The following CAB39L variants were observed in gnomAD, a reference collection of about 807,000 sequenced individuals.
The protein encoded by CAB39L is calcium binding protein 39 like.
A neutral mutation model predicts 39.1 loss-of-function variants in CAB39L; 23 were observed. The ratio of observed to expected loss-of-function variants is 0.59; its 90% CI spans 0.42 to 0.83. CAB39L has a LOEUF of 0.83. Among genes scored for constraint, CAB39L ranks in the 40% least tolerant of loss-of-function variants. The pLI is 0.00. For missense variants in CAB39L, 366 were observed against 391.9 expected, an observed-to-expected ratio of 0.93 and a Z score of 0.56; for synonymous variants, 126 against 137.2, an observed-to-expected ratio of 0.92 and a Z score of 0.57.
chr13:49,343,053 T>C (rs1024362582), intron 8 of CAB39L, among the ~76,000 whole-genome samples: 2 of 152,208 alleles, frequency 1.3e-5, no homozygotes, highest in African/African-American at 2.4e-5. Flanking sequence ...TGGCATTATA[T>C]TTCTACTGGA....
At chr13:49,424,903 A>C (rs1436768135) in intron 3 of CAB39L, among the ~76,000 whole-genome samples, 1 of 152,194 alleles carries the variant, frequency 6.6e-6, no homozygotes, top group East Asian at 1.9e-4. Context: ...GGAATATCAA[A>C]TTATATATTT....
chr13:49,442,603 C>A (rs527603644), intron 1 of CAB39L, among the ~76,000 whole-genome samples: 2 of 151,964 alleles, frequency 1.3e-5, no homozygotes, highest in East Asian at 3.9e-4. Context: ...ACCAGCCTGG[C>A]CAACATGGTG....
At chr13:49,414,453 T>A (rs994634138) in intron 3 of CAB39L, among the ~76,000 whole-genome samples, 11 of 152,164 alleles carry the variant, frequency 7.2e-5, no homozygotes, top group African/African-American at 2.7e-4. Flanking sequence ...TGGTAAATGA[T>A]GTTATTGCAA....
chr13:49,380,250 T>C (rs1956224389), intron 4 of CAB39L, among the ~76,000 whole-genome samples: 1 of 152,242 alleles, frequency 6.6e-6, no homozygotes. Flanking sequence ...TAGCTACTGA[T>C]CTTTATTTAA....
intron 5 of CAB39L, among the ~76,000 whole-genome samples, chr13:49,367,753 C>CA (rs1014942705): frequency 6.6e-6 from 1 of 151,720 alleles, no homozygotes; most frequent in African/African-American, 2.4e-5. Flanking sequence ...CCCATCTCTA[C>CA]AAAAAAATAC....
chr13:49,348,777 G>C (rs985539606), intron 7 of CAB39L, among the ~76,000 whole-genome samples: 4 of 152,182 alleles, frequency 2.6e-5, no homozygotes, highest in African/African-American at 9.7e-5. Context: ...TGGCCTGGTT[G>C]CCTTTATAGA....
At chr13:49,367,631 T>C (rs1053536031) in intron 5 of CAB39L, among the ~76,000 whole-genome samples, 5 of 152,170 alleles carry the variant, frequency 3.3e-5, no homozygotes, top group African/African-American at 1.2e-4. Flanking sequence ...AAAAAATGTT[T>C]ATAGGCCGGG....
At chr13:49,348,214 T>C (rs1192890912) in intron 7 of CAB39L, among the ~76,000 whole-genome samples, 4 of 152,182 alleles carry the variant, frequency 2.6e-5, no homozygotes, top group Admixed American at 6.5e-5. Context: ...TTTCCTCTGA[T>C]GTCTCGGGCA....
chr13:49,442,362 TA>T (rs1349703200), intron 1 of CAB39L, among the ~76,000 whole-genome samples: 1 of 152,234 alleles, frequency 6.6e-6, no homozygotes, highest in Admixed American at 6.5e-5. Flanking sequence ...GCTTTGATTC[TA>T]TCTCTATTTC....
chr13:49,311,493 C>A (rs1953986574), intron 10 of CAB39L, among the ~76,000 whole-genome samples: 1 of 152,134 alleles, frequency 6.6e-6, no homozygotes, highest in African/African-American at 2.4e-5. Context: ...TGTAAAACAG[C>A]CTCAGGCAGG....
intron 5 of CAB39L, among the ~76,000 whole-genome samples, chr13:49,361,031 A>G (rs780714678): frequency 1.3e-4 from 20 of 152,154 alleles, no homozygotes; most frequent in Non-Finnish European, 1.0e-4. Flanking sequence ...TCTGGCCTTC[A>G]TCTCTCAACT....
At chr13:49,338,372 A>G (rs1954906079) in intron 9 of CAB39L, among the ~76,000 whole-genome samples, 1 of 151,736 alleles carries the variant, frequency 6.6e-6, no homozygotes, top group Non-Finnish European at 1.5e-5. Flanking sequence ...GAAATTGGAA[A>G]TCATCATTCT....
intron 3 of CAB39L, among the ~76,000 whole-genome samples, chr13:49,428,840 A>ACAGT (rs1555266835): frequency 1.3e-5 from 2 of 151,726 alleles, no homozygotes; most frequent in African/African-American, 4.8e-5. Flanking sequence ...TTTTGCATAG[A>ACAGT]CAACGGTCTA....
chr13:49,416,366 G>A (rs1423770136), intron 3 of CAB39L, among the ~76,000 whole-genome samples: 2 of 152,198 alleles, frequency 1.3e-5, no homozygotes, highest in Non-Finnish European at 2.9e-5. Flanking sequence ...TAACATGTGT[G>A]CAAGTAAAGC....
chr13:49,375,769 C>T (rs1316263802), intron 5 of CAB39L, among the ~76,000 whole-genome samples: 2 of 145,714 alleles, frequency 1.4e-5, no homozygotes, highest in Non-Finnish European at 3.0e-5. Flanking sequence ...ACGTTGTGCG[C>T]ATGTACCCTA....
intron 10 of CAB39L, among the ~76,000 whole-genome samples, chr13:49,320,412 C>A (rs1053960353): frequency 6.6e-6 from 1 of 152,108 alleles, no homozygotes; most frequent in Non-Finnish European, 1.5e-5. Context: ...AGTTCTCAGG[C>A]GTGGTGAGAG....
intron 3 of CAB39L, among the ~76,000 whole-genome samples, chr13:49,406,530 C>G (rs1956884033): frequency 6.6e-6 from 1 of 151,570 alleles, no homozygotes; most frequent in African/African-American, 2.4e-5. Context: ...TGATTGGATA[C>G]CCTATTTACC....
chr13:49,399,099 T>C (rs187588473), intron 3 of CAB39L, among the ~76,000 whole-genome samples: 13 of 152,254 alleles, frequency 8.5e-5, no homozygotes, highest in Admixed American at 8.5e-4. Context: ...CTTTCCTTTA[T>C]TGGATATCTT....
chr13:49,413,994 A>T (rs1051986718), intron 3 of CAB39L: 1 of 152,200 alleles, frequency 6.6e-6, no homozygotes, highest in Non-Finnish European at 1.5e-5. Context: ...TTCCAACGGC[A>T]AGGACATACC....
Sources: gnomAD v4.1 joint callset for allele counts (sites outside exome capture counted in the v4.1 genomes callset) on GRCh38, gnomAD v4.1.1 for gene constraint, MANE v1.5 for transcripts, NCBI Gene and HGNC (gene_info 2026-07-23, HGNC 2026-07-21) for gene names.